CHRM3: variants seen among roughly 807,000 people sequenced by gnomAD.
CHRM3 encodes the protein muscarinic acetylcholine receptor M3.
CHRM3 carries 11 observed loss-of-function variants against 41.8 expected under a neutral mutation model. The observed-to-expected ratio is 0.26, with a 90% CI of 0.17 to 0.44. The LOEUF (loss-of-function observed/expected upper bound fraction) is 0.44, where lower values mean the gene tolerates loss of function less well. CHRM3 is among the 20% of genes least tolerant of loss of function. The pLI is 1.00. For missense variants in CHRM3, 571 were observed against 745.4 expected (o/e 0.77, Z 2.72); for synonymous variants, 297 against 301.4 (o/e 0.99, Z 0.15).
At chr1:239,698,328 T>C (rs1660382307) in intron 5 of CHRM3, among the ~76,000 whole-genome samples, 2 of 152,144 alleles carry the variant, frequency 1.3e-5, no homozygotes, top group African/African-American at 4.8e-5. Flanking sequence ...AAGGAAATAT[T>C]AGAGTACTTG....
intron 5 of CHRM3, among the ~76,000 whole-genome samples, chr1:239,711,238 A>C (rs2148218246): frequency 6.6e-6 from 1 of 152,228 alleles, no homozygotes; most frequent in Non-Finnish European, 1.5e-5. Context: ...CCAATAACAA[A>C]TTGGAGTTTT....
chr1:239,759,198 G>GTTTTTTTTTTTTTTTT (rs1558518708), intron 5 of CHRM3, among the ~76,000 whole-genome samples: 1 of 84,406 alleles, frequency 1.2e-5, no homozygotes, highest in African/African-American at 5.8e-5. Flanking sequence ...TTTTTTTTTA[G>GTTTTTTTTTTTTTTTT]AGAGAGGCTT....
At chr1:239,689,485 A>G (rs1016672704) in intron 5 of CHRM3, among the ~76,000 whole-genome samples, 7 of 152,222 alleles carry the variant, frequency 4.6e-5, no homozygotes, top group African/African-American at 1.4e-4. Flanking sequence ...AAGGATTACA[A>G]AATAGCAGCG....
chr1:239,431,294 G>C (rs1662815763), intron 1 of CHRM3, among the ~76,000 whole-genome samples: 1 of 151,970 alleles, frequency 6.6e-6, no homozygotes, highest in Admixed American at 6.6e-5. Context: ...TTTTGTTCTA[G>C]TAATCCTCCA....
intron 5 of CHRM3, among the ~76,000 whole-genome samples, chr1:239,689,578 G>A (rs550189771): frequency 6.6e-6 from 1 of 152,276 alleles, no homozygotes; most frequent in African/African-American, 2.4e-5. Flanking sequence ...TGTTGGAGGA[G>A]GGATTTCGTT....
chr1:239,571,633 C>A (rs1173048943), intron 3 of CHRM3, among the ~76,000 whole-genome samples: 1 of 152,090 alleles, frequency 6.6e-6, no homozygotes, highest in African/African-American at 2.4e-5. Context: ...CAGCACTGTG[C>A]ATTGTCAAAC....
intron 5 of CHRM3, among the ~76,000 whole-genome samples, chr1:239,826,296 A>G (rs1672455959): frequency 6.6e-6 from 1 of 152,184 alleles, no homozygotes; most frequent in Non-Finnish European, 1.5e-5. Flanking sequence ...AAATTAAGAG[A>G]TGCTGCATTT....
intron 1 of CHRM3, among the ~76,000 whole-genome samples, chr1:239,407,096 C>G (rs1036191449): frequency 8.5e-5 from 13 of 152,114 alleles, no homozygotes; most frequent in African/African-American, 2.7e-4. Flanking sequence ...TTGTCTCTAT[C>G]AAGAACTTTC....
intron 6 of CHRM3, among the ~76,000 whole-genome samples, chr1:239,830,474 C>A (rs1165350722): frequency 1.3e-5 from 2 of 152,064 alleles, no homozygotes; most frequent in Non-Finnish European, 2.9e-5. Flanking sequence ...GAGGCCGAGG[C>A]GGGCGGATCA....
intron 5 of CHRM3, among the ~76,000 whole-genome samples, chr1:239,808,522 A>G (rs911870971): frequency 6.6e-6 from 1 of 152,164 alleles, no homozygotes; most frequent in Admixed American, 6.5e-5. Context: ...CAGCTGTAGT[A>G]CGAGATCAAA....
At chr1:239,524,003 C>T (rs1669827389) in intron 2 of CHRM3, among the ~76,000 whole-genome samples, 1 of 152,136 alleles carries the variant, frequency 6.6e-6, no homozygotes, top group African/African-American at 2.4e-5. Flanking sequence ...AACTGACAGG[C>T]AAGGGATGCT....
intron 6 of CHRM3, among the ~76,000 whole-genome samples, chr1:239,896,835 G>A (rs1679045805): frequency 6.6e-6 from 1 of 152,150 alleles, no homozygotes; most frequent in Non-Finnish European, 1.5e-5. Flanking sequence ...ATATCCCCTA[G>A]GGCAGAGTCA....
At chr1:239,833,880 G>A (rs1043129211) in intron 6 of CHRM3, among the ~76,000 whole-genome samples, 2 of 151,996 alleles carry the variant, frequency 1.3e-5, no homozygotes, top group Non-Finnish European at 2.9e-5. Context: ...TGAGATTATC[G>A]GGTACACCCA....
At position 239,430,746 on chromosome 1, in the gene CHRM3, A is replaced by G. The variant is rs550115567; in HGVS notation, c.-521+43519A>G. ...ACACATCAAGATATCTACTCCCCAT[A>G]TATATCAAGAGTCTGATTAGAGTTT... On this transcript the variant is annotated intron_variant, in intron 1 of 6. Transcript: ENST00000676153. Among the ~76,000 whole-genome samples, 4 of 151,372 alleles carry G rather than the reference A, an allele frequency of 2.6e-5. No individual in the cohort carries two copies. The South Asian group carries it at 8.4e-4, about 32-fold the overall frequency.
At chr1:239,422,221 A>G (rs577169043) in intron 1 of CHRM3, among the ~76,000 whole-genome samples, 4 of 152,312 alleles carry the variant, frequency 2.6e-5, no homozygotes, top group African/African-American at 7.2e-5. Flanking sequence ...ATATTTGAGC[A>G]TAGGCTACAT....
chr1:239,400,428 C>T (rs1659870717), intron 1 of CHRM3, among the ~76,000 whole-genome samples: 1 of 151,918 alleles, frequency 6.6e-6, no homozygotes, highest in Admixed American at 6.6e-5. Flanking sequence ...TTTATTTTTT[C>T]CTTTGCCATG....
At chr1:239,783,184 T>C (rs114851126) in intron 5 of CHRM3, among the ~76,000 whole-genome samples, 1,926 of 152,140 alleles carry the variant, frequency 0.013, 35 homozygotes, top group African/African-American at 0.044. Context: ...TTCTCATAAG[T>C]AGATGTCAAA....
At chr1:239,447,240 A>C (rs544786108) in intron 1 of CHRM3, among the ~76,000 whole-genome samples, 1 of 152,272 alleles carries the variant, frequency 6.6e-6, no homozygotes, top group South Asian at 2.1e-4. Context: ...TAGAGATAAC[A>C]AAACAGGGGT....
chr1:239,578,760 A>G (rs1346924626), intron 3 of CHRM3, among the ~76,000 whole-genome samples: 1 of 152,168 alleles, frequency 6.6e-6, no homozygotes, highest in East Asian at 1.9e-4. Context: ...ATTTTACACT[A>G]AAAGATCACT....
Sources: allele counts gnomAD v4.1 joint callset (sites outside exome capture counted in the v4.1 genomes callset), GRCh38; gene constraint gnomAD v4.1.1; transcripts MANE v1.5; gene names NCBI Gene and HGNC (gene_info 2026-07-23, HGNC 2026-07-21).